Variants in SLC12A2 observed in about 807,000 individuals in gnomAD.
SLC12A2 encodes the protein solute carrier family 12 member 2, also known as Na-K-2Cl cotransporter 1.
Under a neutral mutation model 136.3 loss-of-function variants are expected in SLC12A2, and 67 were observed. The ratio of observed to expected loss-of-function variants is 0.49; its 90% CI spans 0.40 to 0.60. The LOEUF is 0.60. Ranked by LOEUF, SLC12A2 falls within the 20% of genes least tolerant of loss-of-function variation. The pLI is 0.00. For missense variants in SLC12A2, 1,322 were observed against 1,534.7 expected, an observed-to-expected ratio of 0.86 and a Z score of 2.32; for synonymous variants, 619 against 562.9, an observed-to-expected ratio of 1.10 and a Z score of -1.41.
intron 1 of SLC12A2, among the ~76,000 whole-genome samples, chr5:128,090,132 C>G (rs1760256867): frequency 6.6e-6 from 1 of 152,198 alleles, no homozygotes; most frequent in African/African-American, 2.4e-5. Context: ...TGTACACTGA[C>G]TGAAGTAGTT....
At chr5:128,095,271 A>G (rs930222856) in intron 1 of SLC12A2, among the ~76,000 whole-genome samples, 7 of 152,134 alleles carry the variant, frequency 4.6e-5, no homozygotes, top group Admixed American at 6.6e-5. Context: ...TTTCCAAAGC[A>G]TTCTTAAGTT....
At chr5:128,184,343 A>C (rs1763800733) in intron 24 of SLC12A2, 23 bp from the exon 25 acceptor site, 4 of 1,394,502 alleles carry the variant, frequency 2.9e-6, no homozygotes, top group Non-Finnish European at 3.9e-6. Context: ...ATTAGTTGTC[A>C]GTATTCTTTC....
chr5:128,142,020 T>G, intron 10 of SLC12A2, 39 bp downstream of exon 10: 2 of 1,553,466 alleles, frequency 1.3e-6, no homozygotes, highest in Middle Eastern at 1.7e-4. Flanking sequence ...ATTCTGTATT[T>G]ATCTAGGGGT....
intron 15 of SLC12A2, among the ~76,000 whole-genome samples, chr5:128,157,117 T>C (rs886536404): frequency 1.6e-4 from 25 of 152,184 alleles, no homozygotes; most frequent in Admixed American, 7.9e-4. Context: ...TCATCCTCAT[T>C]TTAAGGACTC....
rs746353132 is a variant in SLC12A2 at position 128,150,002 on chromosome 5, C to T, written c.2011C>T (p.Leu671=). 1 of 1,606,676 alleles carries T rather than the reference C, an allele frequency of 6.2e-7. No individual in the cohort carries two copies. The highest frequency in any genetic ancestry group is 8.5e-7 in the Non-Finnish European group (1 of 1,175,126). Residue 671 remains leucine, a synonymous_variant, in exon 13 of 27, where the codon CTG becomes TTG. Transcript: ENST00000262461. ...IALGFILIAE[L]NVIAPIISNF... Reference sequence around the variant, plus strand: ...CGCATGTGTTTGTTCTGCAGCTGAACTGAATGTTATTGCACCAATTATCTC... The same window carrying T: ...CGCATGTGTTTGTTCTGCAGCTGAATTGAATGTTATTGCACCAATTATCTC...
intron 15 of SLC12A2, among the ~76,000 whole-genome samples, chr5:128,156,771 G>A (rs1200023370): frequency 1.3e-5 from 2 of 152,086 alleles, no homozygotes; most frequent in Non-Finnish European, 2.9e-5. Context: ...TGTTCATGTG[G>A]TCAAAGTCAT....
At position 128,180,957 on chromosome 5, in the gene SLC12A2, G is replaced by C. The variant is rs774560017; in HGVS notation, c.3175G>C (p.Gly1059Arg). The change falls in exon 23 of 27, where the codon GGT becomes CGT. Residue 1059 changes from glycine to arginine, a missense_variant. Around this residue, in one of 8 missense-constraint regions of SLC12A2, gnomAD observed 172 missense variants for 227.4 expected, o/e 0.76. Coordinates refer to ENST00000262461, the MANE Select transcript of SLC12A2 (RefSeq NM_001046.3). Reference protein sequence around the residue: ...WKDCKIRVFIGGKINRIDHDR... With the variant: ...WKDCKIRVFIRGKINRIDHDR... ...AGACTGTAAGATCAGAGTATTCATT[G>C]GTGGAAAGATAAACAGAATAGACCA... 1 of 1,612,054 alleles carries C rather than the reference G, an allele frequency of 6.2e-7. No homozygotes were observed. Among genetic ancestry groups the C allele is most frequent in the South Asian group, 1.1e-5 (1 of 90,988 alleles).
intron 5 of SLC12A2, among the ~76,000 whole-genome samples, 196 bp downstream of exon 5, chr5:128,131,402 G>A (rs1175548581): frequency 1.3e-5 from 2 of 152,138 alleles, no homozygotes; most frequent in Non-Finnish European, 2.9e-5. Flanking sequence ...GGTGGCTCGC[G>A]CATGTAATCC....
intron 1 of SLC12A2, among the ~76,000 whole-genome samples, chr5:128,102,955 G>A (rs935168233): frequency 2.0e-5 from 3 of 151,952 alleles, no homozygotes; most frequent in African/African-American, 4.8e-5. Flanking sequence ...TATTTTCTTC[G>A]ATTGTATGAA....
At chr5:128,135,157 G>C (rs1398971582) in intron 6 of SLC12A2, among the ~76,000 whole-genome samples, 1 of 152,086 alleles carries the variant, frequency 6.6e-6, no homozygotes, top group Non-Finnish European at 1.5e-5. Flanking sequence ...AGGGGAAATG[G>C]TAGTTTTCAT....
chr5:128,156,378 A>G (rs1160045655), intron 15 of SLC12A2, among the ~76,000 whole-genome samples: 3 of 152,024 alleles, frequency 2.0e-5, no homozygotes, highest in East Asian at 1.9e-4. Context: ...AAATCTCTTT[A>G]TGCCGTGGAG....
At chr5:128,107,180 C>T (rs6882634) in intron 1 of SLC12A2, among the ~76,000 whole-genome samples, 3 of 152,188 alleles carry the variant, frequency 2.0e-5, no homozygotes, top group Non-Finnish European at 4.4e-5. Context: ...CCTGACTCTA[C>T]TGTCTGAAAC....
At chr5:128,151,199 G>T in intron 13 of SLC12A2, 42 bp from the exon 14 acceptor site, 2 of 1,558,946 alleles carry the variant, frequency 1.3e-6, no homozygotes, top group Non-Finnish European at 1.7e-6. Flanking sequence ...GTGTAAAGCA[G>T]ATGAGGTATT....
At position 128,187,572 on chromosome 5, in the gene SLC12A2, T is replaced by G. The variant is rs1763907813; in HGVS notation, c.*941T>G. The G allele has an allele frequency of 6.6e-6, 1 of 152,304 alleles. No homozygotes were observed. The highest frequency in any genetic ancestry group is 1.5e-5 in the Non-Finnish European group (1 of 67,990). 9.4% of individuals were successfully genotyped at this position (152,304 alleles called of 1,614,324 possible). ...TCATTTAGTAGAATATTTCAGTATT[T>G]AAGTGGAATTTCAGTATACTGTACT... is the stretch of plus-strand genomic sequence containing the variant. On this transcript the variant is annotated 3_prime_UTR_variant, in exon 27 of 27. Transcript: ENST00000262461.
chr5:128,162,638 C>A (rs1429624197), intron 17 of SLC12A2, among the ~76,000 whole-genome samples: 2 of 151,934 alleles, frequency 1.3e-5, no homozygotes, highest in African/African-American at 4.8e-5. Context: ...AGATGGTGAT[C>A]CTAACATGTA....
intron 22 of SLC12A2, among the ~76,000 whole-genome samples, chr5:128,179,501 A>T (rs937860357): frequency 2.6e-5 from 4 of 152,172 alleles, no homozygotes; most frequent in Admixed American, 6.5e-5. Flanking sequence ...AAAGAGGTTT[A>T]ATCTGCTGAT....
At chr5:128,094,386 G>A (rs1046287282) in intron 1 of SLC12A2, among the ~76,000 whole-genome samples, 1 of 151,780 alleles carries the variant, frequency 6.6e-6, no homozygotes. Flanking sequence ...CCTGTTTTGC[G>A]TATGTGGTGT....
chr5:128,180,783 C>G (rs1763681607), intron 22 of SLC12A2, 100 bp from the exon 23 acceptor site: 1 of 711,786 alleles, frequency 1.4e-6, no homozygotes, highest in South Asian at 1.7e-5. Flanking sequence ...ATTTTTGTTT[C>G]ATATGGAGTT....
chr5:128,132,674 A>G lies in SLC12A2; in HGVS notation c.1188+1468A>G, dbSNP rs555218822. On this transcript the variant is annotated intron_variant, in intron 5 of 26. Coordinates refer to ENST00000262461, the MANE Select transcript of SLC12A2 (RefSeq NM_001046.3). ...TAACTATTCTACAGTAGTAAATGGT[A>G]CATAAGGAAGTATAAAATCTGACAA... Among the ~76,000 whole-genome samples, 22 of 152,314 alleles carry G rather than the reference A, an allele frequency of 1.4e-4. No individual in the cohort carries two copies. The East Asian group carries it at 3.7e-3, about 25-fold the overall frequency.
Sources: gnomAD v4.1 joint callset for allele counts (sites outside exome capture counted in the v4.1 genomes callset) on GRCh38, gnomAD v4.1.1 for gene constraint, gnomAD v4.1.1 regional missense constraint, MANE v1.5 for transcripts, NCBI Gene and HGNC (gene_info 2026-07-23, HGNC 2026-07-21) for gene names.